NLGN4X: variants seen among roughly 807,000 people sequenced by gnomAD.
NLGN4X encodes the protein neuroligin-4, X-linked.
A neutral mutation model predicts 40.3 loss-of-function variants in NLGN4X; 3 were observed. The observed-to-expected ratio is 0.07, with a 90% CI of 0.03 to 0.19. The LOEUF is 0.19. Ranked by LOEUF, NLGN4X falls within the 10% of genes least tolerant of loss-of-function variation. The pLI is 1.00. For synonymous variants in NLGN4X, 270 were observed against 306.8 expected (o/e 0.88, Z 1.25); for missense variants, 382 against 708.3 (o/e 0.54, Z 5.23).
At chrX:6,227,790 C>T in intron 1 of NLGN4X, 1 of 113,192 alleles carries the variant, frequency 8.8e-6, no homozygotes, top group Non-Finnish European at 1.9e-5. Context: ...GTGCATCACC[C>T]AAGCCGTCAT....
intron 1 of NLGN4X, among the ~76,000 whole-genome samples, chrX:6,200,694 T>TTTTTCTTTTTTTC (rs753707498): frequency 3.0e-3 from 278 of 91,269 alleles, no homozygotes; most frequent in Middle Eastern, 0.016. Context: ...TTTCTTTTTT[T>TTTTTCTTTTTTTC]TTTTTTTTTT....
intron 1 of NLGN4X, among the ~76,000 whole-genome samples, chrX:6,181,188 T>C (rs1191370808): frequency 9.0e-6 from 1 of 111,396 alleles, no homozygotes; most frequent in Non-Finnish European, 1.9e-5. Context: ...CAAGTGTGTA[T>C]GGATGTAAAT....
chrX:5,985,130 A>G (rs931522332), intron 3 of NLGN4X, among the ~76,000 whole-genome samples: 2 of 112,468 alleles, frequency 1.8e-5, no homozygotes, highest in Non-Finnish European at 3.8e-5. Context: ...TGTATTAATT[A>G]AAATTAGTGA....
intron 1 of NLGN4X, among the ~76,000 whole-genome samples, chrX:6,225,681 CTTTTTTTCTTTTT>C (rs1926171452): frequency 1.5e-3 from 51 of 33,770 alleles, no homozygotes; most frequent in South Asian, 8.1e-3. Flanking sequence ...TTTTTTCTTT[CTTTTTTTCTTTTT>C]TTTTTTTTTT....
chrX:5,989,067 CAAAAAAATA>C (rs1187740388), intron 3 of NLGN4X, among the ~76,000 whole-genome samples: 254 of 75,205 alleles, frequency 3.4e-3, no homozygotes, highest in South Asian at 6.7e-3. Context: ...GACTCTGTCT[CAAAAAAATA>C]AAAAAAATAA....
At chrX:6,106,593 C>T (rs1314542315) in intron 2 of NLGN4X, among the ~76,000 whole-genome samples, 1 of 111,864 alleles carries the variant, frequency 8.9e-6, no homozygotes. Flanking sequence ...TCCCCCAGTT[C>T]TGCTTTTTCC....
chrX:5,960,291 G>A (rs910729841), intron 3 of NLGN4X, among the ~76,000 whole-genome samples: 1 of 108,125 alleles, frequency 9.2e-6, no homozygotes, highest in African/African-American at 3.3e-5. Flanking sequence ...AGAAATATGT[G>A]CAAATGAATA....
intron 2 of NLGN4X, among the ~76,000 whole-genome samples, chrX:6,085,108 AGAG>A (rs1433296099): frequency 9.2e-6 from 1 of 108,360 alleles, no homozygotes; most frequent in Non-Finnish European, 1.9e-5. Flanking sequence ...CACCACAAGC[AGAG>A]GAGGAAATTG....
intron 3 of NLGN4X, among the ~76,000 whole-genome samples, chrX:5,931,575 G>A (rs1190247140): frequency 8.9e-6 from 1 of 111,827 alleles, no homozygotes; most frequent in East Asian, 2.8e-4. Flanking sequence ...TGGTGGCACA[G>A]ATTCATTTGG....
intron 3 of NLGN4X, among the ~76,000 whole-genome samples, chrX:6,019,894 C>T (rs2036488311): frequency 8.9e-6 from 1 of 112,113 alleles, no homozygotes; most frequent in South Asian, 3.7e-4. Context: ...CTAACTCATG[C>T]TTAAATGACA....
chrX:6,016,833 T>G (rs2036408218), intron 3 of NLGN4X, among the ~76,000 whole-genome samples: 1 of 111,385 alleles, frequency 9.0e-6, no homozygotes, highest in Non-Finnish European at 1.9e-5. Flanking sequence ...TGGATGAGCC[T>G]CAAAAACATT....
chrX:6,144,263 T>A (rs1310638161), intron 2 of NLGN4X, among the ~76,000 whole-genome samples: 1 of 111,892 alleles, frequency 8.9e-6, no homozygotes, highest in East Asian at 2.8e-4. Flanking sequence ...CTAGAAATTC[T>A]TGGAAGTAGA....
intron 3 of NLGN4X, among the ~76,000 whole-genome samples, chrX:5,986,839 A>G (rs2035542392): frequency 8.9e-6 from 1 of 111,949 alleles, no homozygotes; most frequent in South Asian, 3.7e-4. Context: ...TCAGAAAAAT[A>G]AAATAGAACT....
intron 3 of NLGN4X, among the ~76,000 whole-genome samples, chrX:6,024,809 T>G (rs145142940): frequency 0.015 from 1,702 of 111,491 alleles, 15 homozygotes; most frequent in South Asian, 0.045. Flanking sequence ...GCCACCCCTT[T>G]CCCGGAAATC....
At chrX:5,895,197 T>C (rs554481510) in intron 5 of NLGN4X, among the ~76,000 whole-genome samples, 3 of 112,613 alleles carry the variant, frequency 2.7e-5, no homozygotes, top group Admixed American at 9.4e-5. Context: ...TTCAACTTTC[T>C]GCAGCTCTGG....
At chrX:6,103,610 G>A (rs2038968724) in intron 2 of NLGN4X, among the ~76,000 whole-genome samples, 1 of 111,500 alleles carries the variant, frequency 9.0e-6, no homozygotes, top group African/African-American at 3.3e-5. Flanking sequence ...AATCGTACCT[G>A]TGCAGATGTG....
At chrX:6,221,151 C>T (rs1293634671) in intron 1 of NLGN4X, among the ~76,000 whole-genome samples, 1 of 106,078 alleles carries the variant, frequency 9.4e-6, no homozygotes, top group African/African-American at 3.4e-5. Flanking sequence ...AGTACACTGG[C>T]GTAATCATAG....
At chrX:6,127,200 C>T (rs72609523) in intron 2 of NLGN4X, among the ~76,000 whole-genome samples, 13,429 of 111,233 alleles carry the variant, frequency 0.12, 806 homozygotes, top group African/African-American at 0.24. Context: ...TCAACCTCAG[C>T]GGGCATCAGC....
At chrX:5,935,515 G>A (rs778208149) in intron 3 of NLGN4X, among the ~76,000 whole-genome samples, 13 of 112,133 alleles carry the variant, frequency 1.2e-4, no homozygotes, top group Non-Finnish European at 2.3e-4. Context: ...GAATAAAACT[G>A]TCCAACCACT....
Sources: allele counts gnomAD v4.1 joint callset (sites outside exome capture counted in the v4.1 genomes callset), GRCh38; gene constraint gnomAD v4.1.1; transcripts MANE v1.5; gene names NCBI Gene and HGNC (gene_info 2026-07-23, HGNC 2026-07-21).